CAST: variants seen among roughly 807,000 people sequenced by gnomAD.
CAST encodes the protein calpastatin, also known as MIR583 host.
Under a neutral mutation model 119.6 loss-of-function variants are expected in CAST, and 76 were observed. The ratio of observed to expected loss-of-function variants is 0.64; its 90% confidence interval spans 0.53 to 0.77. The LOEUF (loss-of-function observed/expected upper bound fraction) is 0.77, where lower values mean the gene tolerates loss of function less well. Ranked by LOEUF, CAST falls within the 30% of genes least tolerant of loss-of-function variation. CAST has a pLI of 0.00. For synonymous variants in CAST, 319 were observed against 331.6 expected (o/e 0.96, Z 0.41); for missense variants, 953 against 946.5 (o/e 1.01, Z -0.09).
the CAST span, among the ~76,000 whole-genome samples, chr5:96,465,387 C>A: frequency 6.6e-6 from 1 of 151,884 alleles, no homozygotes; most frequent in Admixed American, 6.6e-5. Flanking sequence ...ATTCTTACAC[C>A]TTTTCTTTTC....
At chr5:96,155,332 T>G in the CAST span, among the ~76,000 whole-genome samples, 1 of 152,154 alleles carries the variant, frequency 6.6e-6, no homozygotes, top group Admixed American at 6.5e-5. Context: ...TCCCCGCCCA[T>G]CATGCATGGC....
the CAST span, among the ~76,000 whole-genome samples, chr5:96,061,008 G>T: frequency 1.3e-5 from 2 of 151,952 alleles, no homozygotes; most frequent in Non-Finnish European, 2.9e-5. Flanking sequence ...GAGCACTCTG[G>T]TATCTTTTCT....
chr5:96,768,135 G>A (rs747422856), intron 29 of CAST, 136 bp downstream of exon 29: 1 of 686,614 alleles, frequency 1.5e-6, no homozygotes, highest in Non-Finnish European at 2.6e-6. Flanking sequence ...CCAGGCTGGA[G>A]TGCAGTGGTG....
chr5:95,982,002 C>T, the CAST span, among the ~76,000 whole-genome samples: 1 of 152,060 alleles, frequency 6.6e-6, no homozygotes, highest in South Asian at 2.1e-4. Context: ...ATCTCCCTTT[C>T]CCTGTGCTCA....
chr5:96,128,330 A>G, the CAST span, among the ~76,000 whole-genome samples: 7 of 152,202 alleles, frequency 4.6e-5, no homozygotes, highest in Admixed American at 1.3e-4. Flanking sequence ...GGTTTTAACT[A>G]CACAGTATTT....
At chr5:96,740,842 G>A in intron 13 of CAST, 59 bp downstream of exon 13, 1 of 1,069,094 alleles carries the variant, frequency 9.4e-7, no homozygotes, top group Non-Finnish European at 1.5e-6. Flanking sequence ...TTGGCTGGGG[G>A]AACAGGGCTA....
chr5:96,369,980 G>C, the CAST span, among the ~76,000 whole-genome samples: 2 of 152,088 alleles, frequency 1.3e-5, no homozygotes, highest in East Asian at 3.9e-4. Context: ...TCATGACTTA[G>C]GTTAAATAAT....
chr5:96,147,469 G>A, the CAST span, among the ~76,000 whole-genome samples: 1 of 152,156 alleles, frequency 6.6e-6, no homozygotes, highest in Non-Finnish European at 1.5e-5. Flanking sequence ...TGGTCTTGGT[G>A]GCGGGCGCCT....
chr5:96,399,573 T>A, the CAST span, among the ~76,000 whole-genome samples: 1 of 152,228 alleles, frequency 6.6e-6, no homozygotes, highest in Non-Finnish European at 1.5e-5. Context: ...AAGCAGATTT[T>A]GGGTAAAACT....
At chr5:96,347,229 A>G in the CAST span, among the ~76,000 whole-genome samples, 17 of 152,178 alleles carry the variant, frequency 1.1e-4, no homozygotes, top group Non-Finnish European at 2.9e-5. Context: ...AGCCTCTTCT[A>G]CAGTGAATAC....
At chr5:96,525,823 G>A (rs771268804), upstream of CAST, among the ~76,000 whole-genome samples, 6 of 152,358 alleles carry the variant, frequency 3.9e-5, no homozygotes, top group South Asian at 4.1e-4. Context: ...GAAAATTGGC[G>A]TGCTGAGGTT....
the CAST span, among the ~76,000 whole-genome samples, chr5:96,025,540 T>C: frequency 3.3e-5 from 5 of 152,178 alleles, no homozygotes; most frequent in Admixed American, 6.5e-5. Flanking sequence ...GTATCTTCTA[T>C]GTGCAAAACA....
the CAST span, among the ~76,000 whole-genome samples, chr5:96,160,716 C>G: frequency 6.6e-6 from 1 of 152,182 alleles, no homozygotes; most frequent in Non-Finnish European, 1.5e-5. Flanking sequence ...CAACATTTTA[C>G]AATCCTAATA....
intron 1 of CAST, among the ~76,000 whole-genome samples, chr5:96,566,121 C>A (rs542539702): frequency 6.6e-6 from 1 of 152,158 alleles, no homozygotes; most frequent in South Asian, 2.1e-4. Flanking sequence ...TCTTATTTTA[C>A]TGTAGCTCTA....
At chr5:96,612,805 G>A (rs1747387120) in intron 1 of CAST, among the ~76,000 whole-genome samples, 1 of 151,850 alleles carries the variant, frequency 6.6e-6, no homozygotes, top group Non-Finnish European at 1.5e-5. Flanking sequence ...CTTATCAACG[G>A]GGTAACAATT....
chr5:96,534,870 A>AGGGAGGGAGG lies in CAST; in HGVS notation c.60+4991_60+4992insGGAGGGAGGG, dbSNP rs1189027695. On this transcript the variant is annotated intron_variant, in intron 1 of 11. Coordinates refer to the CAST transcript ENST00000505143. The stretch of plus-strand genomic sequence containing the variant: ...GAAGGAGGGAGGGAGGGAAGGAAGG[A>AGGGAGGGAGG]GAAAGAAAGAAAAGAAAGAAAGAAG... Among the ~76,000 whole-genome samples the AGGGAGGGAGG allele has an allele frequency of 1.3e-4, 3 of 23,360 alleles. No homozygotes were observed. In the East Asian group the frequency reaches 0.027, roughly 212 times the overall value. 15.3% of individuals were successfully genotyped at this position (23,360 alleles called of 152,430 possible).
chr5:96,056,015 C>G, the CAST span, among the ~76,000 whole-genome samples: 145 of 152,188 alleles, frequency 9.5e-4, no homozygotes, highest in African/African-American at 3.3e-3. Context: ...CCCCAAAACA[C>G]CCCAGTATCC....
At chr5:96,174,031 C>G in the CAST span, among the ~76,000 whole-genome samples, 1 of 152,118 alleles carries the variant, frequency 6.6e-6, no homozygotes, top group Non-Finnish European at 1.5e-5. Context: ...TGTGAGCCAC[C>G]GCGCCCGGCC....
At chr5:96,565,711 G>T (rs149052259) in intron 1 of CAST, among the ~76,000 whole-genome samples, 158 of 151,936 alleles carry the variant, frequency 1.0e-3, no homozygotes, top group African/African-American at 3.7e-3. Context: ...AAGGCAGCCC[G>T]CCAGGCTAGA....
Sources: gnomAD v4.1 joint callset for allele counts (sites outside exome capture counted in the v4.1 genomes callset) on GRCh38, gnomAD v4.1.1 for gene constraint, MANE v1.5 for transcripts, NCBI Gene and HGNC (gene_info 2026-07-23, HGNC 2026-07-21) for gene names.